SLC15A5: variants seen among roughly 807,000 people sequenced by gnomAD.
SLC15A5 encodes Peptide/histidine transporter ENSP00000340402.
In SLC15A5, 58 loss-of-function variants were observed where a neutral mutation model predicts 56.1. The observed-to-expected ratio is 1.03, with a 90% confidence interval of 0.84 to 1.29. The LOEUF (loss-of-function observed/expected upper bound fraction) is 1.29. Among genes scored for constraint, SLC15A5 ranks in the 50% most tolerant of loss-of-function variants. The pLI, the probability that SLC15A5 is intolerant of heterozygous loss-of-function variation, is 0.00. For synonymous variants in SLC15A5, 264 were observed against 250.5 expected (o/e 1.05, Z -0.51); for missense variants, 681 against 672.1 (o/e 1.01, Z -0.15).
chr12:16,211,081 G>GT (rs1864075706), intron 7 of SLC15A5, among the ~76,000 whole-genome samples: 1 of 152,186 alleles, frequency 6.6e-6, no homozygotes, highest in Non-Finnish European at 1.5e-5. Context: ...AATTATGGCA[G>GT]TAGGCCACTT....
chr12:16,253,316 A>T (rs1591656488), intron 3 of SLC15A5, among the ~76,000 whole-genome samples: 1 of 152,162 alleles, frequency 6.6e-6, no homozygotes, highest in African/African-American at 2.4e-5. Context: ...TCGGCATTTC[A>T]AAGAAAACAA....
chr12:16,246,418 G>A (rs1428888795), intron 3 of SLC15A5, among the ~76,000 whole-genome samples: 2 of 152,188 alleles, frequency 1.3e-5, no homozygotes, highest in African/African-American at 4.8e-5. Flanking sequence ...AACAGAGAAT[G>A]TGTTGATGAA....
At chr12:16,244,904 T>C (rs1187898678) in intron 3 of SLC15A5, 104 bp from the exon 4 acceptor site, 1 of 1,255,134 alleles carries the variant, frequency 8.0e-7, no homozygotes, top group Non-Finnish European at 1.1e-6. Context: ...GGCAGTGAAG[T>C]GAGAAAGTTT....
In SLC15A5 at chr12:16,239,170, C is replaced by T. The variant is rs145617445; in HGVS notation, c.1162+511G>A. Among the ~76,000 whole-genome samples, 259 of 152,314 alleles carry T rather than the reference C, an allele frequency of 1.7e-3. 1 individual carries two copies. The highest frequency in any genetic ancestry group is 6.1e-3 in the African/African-American group (253 of 41,570). Reference sequence around the variant, plus strand: ...GATCAGAATGGACTTCCATCCTTCTCTCCCATTTCAATCAGATAAATTTCA... The same window carrying T: ...GATCAGAATGGACTTCCATCCTTCTTTCCCATTTCAATCAGATAAATTTCA... On this transcript the variant is annotated intron_variant, in intron 5 of 8. Coordinates refer to ENST00000344941, the MANE Select transcript of SLC15A5 (RefSeq NM_001170798.1).
intron 5 of SLC15A5, among the ~76,000 whole-genome samples, chr12:16,232,902 C>A (rs1270479151): frequency 1.4e-5 from 2 of 139,102 alleles, no homozygotes; most frequent in Non-Finnish European, 3.1e-5. Context: ...AGCTACAGAG[C>A]TAGACTCTGT....
chr12:16,258,012 A>G (rs1046433139), intron 2 of SLC15A5, 142 bp from the exon 3 acceptor site: 8 of 618,278 alleles, frequency 1.3e-5, no homozygotes, highest in Non-Finnish European at 2.0e-5. Context: ...GTTGTTTATC[A>G]GATTTCTTAA....
chr12:16,209,660 C>T (rs1220698457), intron 7 of SLC15A5, among the ~76,000 whole-genome samples: 2 of 152,146 alleles, frequency 1.3e-5, no homozygotes, highest in Non-Finnish European at 2.9e-5. Flanking sequence ...ATGGCAGAAA[C>T]TGGAATGCTT....
Position 16,271,345 on chromosome 12 carries a change from T to C in SLC15A5, c.584+1216A>G, listed in dbSNP as rs1393244814. Among the ~76,000 whole-genome samples, 2 of 152,210 alleles carry C rather than the reference T, an allele frequency of 1.3e-5. No individual in the cohort carries two copies. Among genetic ancestry groups the C allele is most frequent in the Admixed American group, 1.3e-4 (2 of 15,264 alleles). On this transcript the variant is annotated intron_variant, in intron 2 of 8. Transcript: ENST00000344941. The surrounding 1 kb of genome is among the most constrained non-coding windows in gnomAD (Gnocchi z 8.0). ...CTCCAGTCTTAATCCTCCAGAGTCT[T>C]ATTTAATCAAAATGATGTTGCTAAT...
At chr12:16,256,685 C>T (rs1864576469) in intron 3 of SLC15A5, among the ~76,000 whole-genome samples, 3 of 151,788 alleles carry the variant, frequency 2.0e-5, no homozygotes, top group Admixed American at 2.0e-4. Flanking sequence ...CGGTGAAACC[C>T]CGTTTCTACT....
chr12:16,203,359 A>G (rs905259438), intron 7 of SLC15A5, among the ~76,000 whole-genome samples: 1 of 152,202 alleles, frequency 6.6e-6, no homozygotes, highest in Admixed American at 6.6e-5. Context: ...TTTCCAGAAC[A>G]TAGCAAAAGA....
intron 5 of SLC15A5, among the ~76,000 whole-genome samples, chr12:16,231,703 T>C (rs1003570548): frequency 1.3e-5 from 2 of 152,196 alleles, no homozygotes; most frequent in African/African-American, 2.4e-5. Flanking sequence ...AGATTACTTT[T>C]CAGAATTTAA....
rs1376302476 is a variant in SLC15A5 at position 16,235,526 on chromosome 12, C to A, written c.1162+4155G>T. 1.3e-5 allele frequency among the ~76,000 whole-genome samples: 2 copies of A among 151,950 alleles called. No homozygotes were observed. Among genetic ancestry groups the A allele is most frequent in the Non-Finnish European group, 2.9e-5 (2 of 67,938 alleles). On this transcript the variant is annotated intron_variant, in intron 5 of 8. Transcript: ENST00000344941. The surrounding 1 kb of genome is among the most constrained non-coding windows in gnomAD (Gnocchi z 4.1). ...ATTGCATATTAGATGATCTACCTCA[C>A]CTCTGATTTAATTCCAACTTGATGT...
In SLC15A5 at chr12:16,228,582, C is replaced by T. The variant is rs182354876; in HGVS notation, c.1163-3980G>A. ...TTGAACAACATGGGTTTGAACTGCT[C>T]AGGTACACTTACATGCGGGTTTTCC... On this transcript the variant is annotated intron_variant, in intron 5 of 8. Coordinates refer to ENST00000344941, the MANE Select transcript of SLC15A5 (RefSeq NM_001170798.1). 5.9e-5 allele frequency among the ~76,000 whole-genome samples: 9 copies of T among 152,252 alleles called. No individual in the cohort carries two copies. In the East Asian group the frequency reaches 1.7e-3, roughly 29 times the overall value.
At chr12:16,213,255 C>CT (rs945894490) in intron 7 of SLC15A5, among the ~76,000 whole-genome samples, 2 of 152,094 alleles carry the variant, frequency 1.3e-5, no homozygotes, top group African/African-American at 4.8e-5. Flanking sequence ...TGACTGCCAT[C>CT]TTTACTGAAC....
At chr12:16,213,520 C>A (rs914514996) in intron 7 of SLC15A5, among the ~76,000 whole-genome samples, 1 of 152,104 alleles carries the variant, frequency 6.6e-6, no homozygotes, top group Admixed American at 6.6e-5. Flanking sequence ...GATGGGCACA[C>A]TCAGGTTATA....
chr12:16,244,179 C>T (rs1296723317), intron 4 of SLC15A5, among the ~76,000 whole-genome samples: 3 of 152,118 alleles, frequency 2.0e-5, no homozygotes, highest in Non-Finnish European at 4.4e-5. Flanking sequence ...TCAAATCAGT[C>T]AGTTTAGCTA....
At chr12:16,220,884 C>T (rs1178655845) in intron 6 of SLC15A5, among the ~76,000 whole-genome samples, 1 of 152,158 alleles carries the variant, frequency 6.6e-6, no homozygotes, top group African/African-American at 2.4e-5. Flanking sequence ...TAGACACCCA[C>T]ACAGTATTTT....
intron 7 of SLC15A5, among the ~76,000 whole-genome samples, chr12:16,202,322 C>A (rs568843562): frequency 6.6e-6 from 1 of 152,192 alleles, no homozygotes; most frequent in African/African-American, 2.4e-5. Context: ...AGAAGACATA[C>A]AAATGGCCAA....
intron 2 of SLC15A5, among the ~76,000 whole-genome samples, chr12:16,263,853 A>G (rs929389519): frequency 1.3e-5 from 2 of 152,218 alleles, no homozygotes; most frequent in Admixed American, 1.3e-4. Flanking sequence ...AGAGGTCAAG[A>G]ACTGAGGTTT....
Sources: allele counts gnomAD v4.1 joint callset (sites outside exome capture counted in the v4.1 genomes callset), GRCh38; gene constraint gnomAD v4.1.1; non-coding constraint Gnocchi (gnomAD v3.1); transcripts MANE v1.5; gene names NCBI Gene and HGNC (gene_info 2026-07-23, HGNC 2026-07-21).